Variants in USP31 observed in about 807,000 individuals in gnomAD.
USP31 encodes ubiquitin carboxyl-terminal hydrolase 31.
A neutral mutation model predicts 119.4 loss-of-function variants in USP31; 44 were observed. The observed-to-expected ratio is 0.37, with a 90% confidence interval of 0.29 to 0.47. The LOEUF (loss-of-function observed/expected upper bound fraction) is 0.47. Ranked by LOEUF, USP31 falls within the 20% of genes least tolerant of loss-of-function variation. USP31 has a pLI of 0.99. For synonymous variants in USP31, 749 were observed against 705.6 expected (o/e 1.06, Z -0.97); for missense variants, 1,643 against 1,730.2 (o/e 0.95, Z 0.89).
chr16:23,146,625 T>G (rs1903515130), intron 1 of USP31, among the ~76,000 whole-genome samples: 1 of 152,050 alleles, frequency 6.6e-6, no homozygotes, highest in African/African-American at 2.4e-5. Context: ...ATTGCCAAGA[T>G]CAAACAGCAA....
intron 6 of USP31, among the ~76,000 whole-genome samples, chr16:23,098,019 G>C (rs548484093): frequency 3.9e-5 from 6 of 152,318 alleles, no homozygotes; most frequent in African/African-American, 1.4e-4. Flanking sequence ...ATTAGGAAAA[G>C]AGGAAGTCAA....
chr16:23,103,773 GGTGTGGTGGC>G (rs1476390861), intron 5 of USP31, among the ~76,000 whole-genome samples: 1 of 152,054 alleles, frequency 6.6e-6, no homozygotes, highest in African/African-American at 2.4e-5. Context: ...AAATCAGCTG[GGTGTGGTGGC>G]ATGCGCCTAC....
chr16:23,078,224 A>C (rs1900665732), intron 13 of USP31, among the ~76,000 whole-genome samples: 1 of 148,050 alleles, frequency 6.8e-6, no homozygotes, highest in Non-Finnish European at 1.5e-5. Flanking sequence ...AGGCAGGAGA[A>C]TTGCTTGAAC....
At chr16:23,123,913 T>C (rs1902763047) in intron 1 of USP31, among the ~76,000 whole-genome samples, 1 of 151,504 alleles carries the variant, frequency 6.6e-6, no homozygotes, top group Admixed American at 6.6e-5. Flanking sequence ...GTGAGAAGAT[T>C]ACTTGAGCCT....
chr16:23,072,283 A>T, intron 14 of USP31, 86 bp from the exon 15 acceptor site: 1 of 1,529,888 alleles, frequency 6.5e-7, no homozygotes. Context: ...AGGTGTTACG[A>T]GCTGAGCTGG....
At chr16:23,098,810 C>G (rs1028148065) in intron 6 of USP31, among the ~76,000 whole-genome samples, 9 of 152,174 alleles carry the variant, frequency 5.9e-5, no homozygotes, top group East Asian at 1.9e-4. Flanking sequence ...ACACCTTATA[C>G]AAAAATTAAT....
chr16:23,074,099 C>A, intron 13 of USP31: 1 of 558,094 alleles, frequency 1.8e-6, no homozygotes, highest in South Asian at 2.0e-5. Context: ...GATGCAGTTC[C>A]AGTTCATCTT....
chr16:23,067,913 T>TCACTCA lies in USP31; in HGVS notation c.*132_*133insTGAGTG. 1 of 1,017,856 alleles carries TCACTCA rather than the reference T, an allele frequency of 9.8e-7. No individual in the cohort carries two copies. The highest frequency in any genetic ancestry group is 1.4e-6 in the Non-Finnish European group (1 of 714,592). 63.1% of individuals were successfully genotyped at this position (1,017,856 alleles called of 1,614,324 possible). The stretch of plus-strand genomic sequence containing the variant: ...GAATTAGACACACACACGCATACAC[T>TCACTCA]CACACACACACACACAGTCGGGCAC... On this transcript the variant is annotated 3_prime_UTR_variant, in exon 16 of 16. Transcript: ENST00000219689.
At position 23,090,700 on chromosome 16, in the gene USP31, G is replaced by A. The variant is rs745798408; in HGVS notation, c.1339C>T (p.Pro447Ser). The A allele has an allele frequency of 2.5e-6, 4 of 1,614,084 alleles. 1 individual carries two copies. The highest frequency in any genetic ancestry group is 1.3e-5 in the African/African-American group (1 of 75,020). The stretch of plus-strand genomic sequence containing the variant: ...TTGTCGCTGCCTGCTCTTGATGTGG[G>A]AGAATCCATTTTCCCCTGCTTTGCT... ...TAAKQGKMDS[P>S]TSRAGSDKIV... Residue 447 changes from proline to serine, a missense_variant, in exon 7 of 16, where the codon CCC becomes TCC. Coordinates refer to ENST00000219689, the MANE Select transcript of USP31 (RefSeq NM_020718.4).
At chr16:23,101,426 T>C (rs1450063434) in intron 6 of USP31, among the ~76,000 whole-genome samples, 6 of 151,362 alleles carry the variant, frequency 4.0e-5, no homozygotes, top group African/African-American at 1.5e-4. Flanking sequence ...AGTAGGGAGG[T>C]GGAAGTCAAG....
rs1322459371 is a variant in USP31, at chr16:23,129,895, CACT to C, written c.633+18740_633+18742del. Among the ~76,000 whole-genome samples, 7 of 152,266 alleles carry C rather than the reference CACT, an allele frequency of 4.6e-5. No individual in the cohort carries two copies. The East Asian group carries it at 1.3e-3, about 29-fold the overall frequency. On this transcript the variant is annotated intron_variant, in intron 1 of 15. Coordinates refer to ENST00000219689, the MANE Select transcript of USP31 (RefSeq NM_020718.4). ...CCCAGGAAGGAGAAAACAGAAAAAG[CACT>C]ACAAGTGGGAGGGTATAGGGCACAA...
chr16:23,072,194 G>A lies in USP31; in HGVS notation c.2339C>T (p.Ser780Phe). The change falls in exon 15 of 16, where the codon TCC becomes TTC. Residue 780 changes from serine to phenylalanine, a missense_variant. Around this residue, in one of 5 missense-constraint regions of USP31, gnomAD observed 279 missense variants for 372.2 expected, o/e 0.75. Transcript: ENST00000219689. Reference protein sequence around the residue: ...SWSANSSVAGSTSSSLCEHWV... With the variant: ...SWSANSSVAGFTSSSLCEHWV... ...GTGTTCACACAGGGAAGAACTTGTG[G>A]AGCCTGCAGAGAAGAAAACAGGCAT... 1 of 1,605,648 alleles carries A rather than the reference G, an allele frequency of 6.2e-7. No homozygotes were observed. Among genetic ancestry groups the A allele is most frequent in the Non-Finnish European group, 8.5e-7 (1 of 1,179,774 alleles).
At chr16:23,136,880 T>C (rs1174206686) in intron 1 of USP31, among the ~76,000 whole-genome samples, 1 of 152,176 alleles carries the variant, frequency 6.6e-6, no homozygotes, top group Non-Finnish European at 1.5e-5. Context: ...TATATGCACT[T>C]GAAAAGTGCA....
rs151266133 is a variant in USP31, at chr16:23,068,350, T to A, written c.3755A>T (p.Lys1252Ile). ...TDLGKTALLS[K>I]KAGGSSVKSV... The stretch of plus-strand genomic sequence containing the variant: ...CTTAACAGAGCTCCCACCAGCCTTT[T>A]TAGAGAGCAAGGCTGTCTTGCCAAG... The change falls in exon 16 of 16, where the codon AAA becomes ATA. Residue 1252 changes from lysine to isoleucine, a missense_variant. Physicochemically the swap from Lys to Ile is moderately radical, Grantham distance 102 (BLOSUM62 -3). This residue lies in a region of USP31 where 699 missense variants were observed against 650.9 expected (regional missense o/e 1.07). Coordinates refer to ENST00000219689, the MANE Select transcript of USP31 (RefSeq NM_020718.4). 6.2e-7 allele frequency: 1 copy of A among 1,614,204 alleles called. No homozygotes were observed. Among genetic ancestry groups the A allele is most frequent in the Admixed American group, 1.7e-5 (1 of 60,018 alleles).
chr16:23,077,177 C>G (rs1475877308), intron 13 of USP31, among the ~76,000 whole-genome samples: 1 of 152,164 alleles, frequency 6.6e-6, no homozygotes, highest in African/African-American at 2.4e-5. Flanking sequence ...TCTTTCTCTC[C>G]TTGAAAGCGC....
At position 23,065,993 on chromosome 16, in the gene USP31, A is replaced by T. The variant is rs1371813704; in HGVS notation, c.*2053T>A. 6.6e-6 allele frequency: 1 copy of T among 152,184 alleles called. No individual in the cohort carries two copies. Among genetic ancestry groups the T allele is most frequent in the African/African-American group, 2.4e-5 (1 of 41,450 alleles). 9.4% of individuals were successfully genotyped at this position (152,184 alleles called of 1,614,324 possible). On this transcript the variant is annotated 3_prime_UTR_variant, in exon 16 of 16. Coordinates refer to ENST00000219689, the MANE Select transcript of USP31 (RefSeq NM_020718.4). ...GCATCTTTTTCAGGAGATAAAAGCG[A>T]TACAGAAAAACGAGAGCGGTGGCTA...
chr16:23,069,384 G>T lies in USP31; in HGVS notation c.2721C>A (p.Val907=). The T allele has an allele frequency of 6.2e-7, 1 of 1,610,694 alleles. No individual in the cohort carries two copies. The highest frequency in any genetic ancestry group is 8.5e-7 in the Non-Finnish European group (1 of 1,177,322). Residue 907 remains valine (V), a synonymous_variant, in exon 16 of 16, where the codon GTC becomes GTA. Transcript: ENST00000219689. ...GCAAGCTACCAAAGCAAGAGATGGA[G>T]ACCTTGTCATCTGCTGCCTCCCCAA... The part of the protein sequence containing the change: ...EKIGEAADDK[V]SISCFGSLRN...
Position 23,069,331 on chromosome 16 carries a change from G to C in USP31, c.2774C>G (p.Pro925Arg), listed in dbSNP as rs1193534464. 6 of 1,602,774 alleles carry C rather than the reference G, an allele frequency of 3.7e-6. No individual in the cohort carries two copies. Among genetic ancestry groups the C allele is most frequent in the Admixed American group, 3.4e-5 (2 of 59,290 alleles). ...CTCACGGCGACTATGACTGTCGCTT[G>C]GTTCCTGGTAACTGCTAGAAAGGTT... ...LRNLSSSYQE[P>R]SDSHSRREHK... The change falls in exon 16 of 16, where the codon CCA (proline) becomes CGA (arginine). Residue 925 changes from proline (P) to arginine (R), a missense_variant. Coordinates refer to ENST00000219689, the MANE Select transcript of USP31 (RefSeq NM_020718.4).
At chr16:23,131,243 A>T (rs1903022056) in intron 1 of USP31, among the ~76,000 whole-genome samples, 1 of 152,202 alleles carries the variant, frequency 6.6e-6, no homozygotes, top group South Asian at 2.1e-4. Context: ...TCAAGGCTGC[A>T]GTGAGCTATG....
Sources: allele counts gnomAD v4.1 joint callset (sites outside exome capture counted in the v4.1 genomes callset), GRCh38; gene constraint gnomAD v4.1.1; regional missense constraint gnomAD v4.1.1; transcripts MANE v1.5; gene names NCBI Gene and HGNC (gene_info 2026-07-23, HGNC 2026-07-21).